ZFYVE1: variants seen among roughly 807,000 people sequenced by gnomAD.
ZFYVE1 encodes zinc finger FYVE-type containing 1.
In ZFYVE1, 30 loss-of-function variants were observed where a neutral mutation model predicts 74.4. The ratio of observed to expected loss-of-function variants is 0.40; its 90% CI spans 0.30 to 0.55. The LOEUF is 0.55. ZFYVE1 is among the 20% of genes least tolerant of loss of function. The pLI is 0.42. For synonymous variants in ZFYVE1, 335 were observed against 385.1 expected (o/e 0.87, Z 1.52); for missense variants, 703 against 1,011.6 (o/e 0.69, Z 4.14).
chr14:72,995,460 T>C (rs7155557), intron 3 of ZFYVE1, among the ~76,000 whole-genome samples: 1,535 of 148,226 alleles, frequency 0.01, 14 homozygotes, highest in Middle Eastern at 0.034. Flanking sequence ...CTCAAACTCC[T>C]GGGCTCTAGT....
chr14:73,015,865 TG>T (rs1250071260), intron 2 of ZFYVE1, among the ~76,000 whole-genome samples: 1 of 151,780 alleles, frequency 6.6e-6, no homozygotes, highest in African/African-American at 2.4e-5. Context: ...AGGTGGAGAT[TG>T]CAGTGAGCTG....
intron 3 of ZFYVE1, among the ~76,000 whole-genome samples, chr14:72,994,419 A>G (rs1441541150): frequency 1.3e-5 from 2 of 150,996 alleles, no homozygotes; most frequent in African/African-American, 2.5e-5. Flanking sequence ...GTGAGAACTC[A>G]GGTTACCCTT....
chr14:72,994,101 T>G (rs1005550649), intron 3 of ZFYVE1, among the ~76,000 whole-genome samples: 6 of 150,180 alleles, frequency 4.0e-5, no homozygotes, highest in African/African-American at 1.5e-4. Flanking sequence ...GGTGGGTGGA[T>G]CACCTGAGGT....
At chr14:73,012,346 G>C (rs1200202971) in intron 2 of ZFYVE1, among the ~76,000 whole-genome samples, 1 of 152,188 alleles carries the variant, frequency 6.6e-6, no homozygotes, top group Non-Finnish European at 1.5e-5. Context: ...AAGGGGCCAG[G>C]TACGGTGCCT....
At chr14:72,994,937 T>C (rs1451855784) in intron 3 of ZFYVE1, among the ~76,000 whole-genome samples, 2 of 152,190 alleles carry the variant, frequency 1.3e-5, no homozygotes, top group Non-Finnish European at 2.9e-5. Context: ...AAACTACCAA[T>C]GTATAAGGGT....
At chr14:72,990,395 A>G (rs1893579149) in intron 4 of ZFYVE1, among the ~76,000 whole-genome samples, 1 of 143,726 alleles carries the variant, frequency 7.0e-6, no homozygotes, top group South Asian at 2.3e-4. Context: ...CCAGCTGAAC[A>G]GGTTCTTTTT....
intron 2 of ZFYVE1, among the ~76,000 whole-genome samples, chr14:73,013,552 T>C (rs567562815): frequency 7.2e-5 from 11 of 151,840 alleles, no homozygotes; most frequent in African/African-American, 2.2e-4. Context: ...TAAGCCGAGA[T>C]TGCGCCACTG....
intron 8 of ZFYVE1, among the ~76,000 whole-genome samples, chr14:72,976,651 C>G (rs1420387022): frequency 2.0e-5 from 3 of 151,898 alleles, no homozygotes; most frequent in Non-Finnish European, 4.4e-5. Flanking sequence ...GGTGTGGTAG[C>G]ACGCGCCTGT....
chr14:72,976,862 A>T (rs1464203255), intron 8 of ZFYVE1, among the ~76,000 whole-genome samples: 1 of 152,028 alleles, frequency 6.6e-6, no homozygotes, highest in Non-Finnish European at 1.5e-5. Context: ...AGCTCAGGAG[A>T]GGACCTGCAG....
At chr14:72,979,598 A>G (rs1025181861) in intron 5 of ZFYVE1, among the ~76,000 whole-genome samples, 45 of 151,830 alleles carry the variant, frequency 3.0e-4, no homozygotes, top group African/African-American at 1.0e-3. Context: ...AGGTTGCAGT[A>G]AGCCAAGATC....
At chr14:72,981,330 T>C (rs1402433518) in intron 5 of ZFYVE1, among the ~76,000 whole-genome samples, 1 of 152,120 alleles carries the variant, frequency 6.6e-6, no homozygotes, top group Non-Finnish European at 1.5e-5. Context: ...TCTAAACATT[T>C]CCCCTAATAG....
At chr14:73,008,920 T>C (rs1169142647) in intron 2 of ZFYVE1, among the ~76,000 whole-genome samples, 2 of 152,116 alleles carry the variant, frequency 1.3e-5, no homozygotes, top group Non-Finnish European at 2.9e-5. Context: ...GACTCAACCC[T>C]TCTCTTGCTC....
In ZFYVE1 at chr14:72,975,887, T is replaced by C; in HGVS notation, c.1636-166A>G. The C allele has an allele frequency of 1.4e-6, 1 of 738,044 alleles. No homozygotes were observed. The highest frequency in any genetic ancestry group is 1.9e-5 in the South Asian group (1 of 52,786). 45.7% of individuals were successfully genotyped at this position (738,044 alleles called of 1,614,324 possible). On this transcript the variant is annotated intron_variant, in intron 8 of 11. Coordinates refer to ENST00000556143, the MANE Select transcript of ZFYVE1 (RefSeq NM_021260.4). This position sits in a 1 kb window ranked among gnomAD's most constrained non-coding sequence, Gnocchi z 4.1. ...CAGGAATCCCTCTGGCTTTATTCTC[T>C]TCAAAGTGACCATAAGACTTGATGT...
intron 11 of ZFYVE1, among the ~76,000 whole-genome samples, chr14:72,973,340 T>C (rs1893083730): frequency 6.6e-6 from 1 of 151,948 alleles, no homozygotes; most frequent in Admixed American, 6.6e-5. Flanking sequence ...AATACAAAAA[T>C]TAGCTGGGCA....
chr14:73,009,926 C>G (rs1894053828), intron 2 of ZFYVE1, among the ~76,000 whole-genome samples: 1 of 151,854 alleles, frequency 6.6e-6, no homozygotes, highest in African/African-American at 2.4e-5. Flanking sequence ...TGGGCAATAT[C>G]ATGAGACCTC....
intron 2 of ZFYVE1, among the ~76,000 whole-genome samples, chr14:73,000,260 T>C (rs1893840348): frequency 6.6e-6 from 1 of 152,028 alleles, no homozygotes; most frequent in African/African-American, 2.4e-5. Context: ...CCTGAGTCAT[T>C]AGAGAAATGC....
rs751055609 is a variant in ZFYVE1 at position 72,974,074 on chromosome 14, G to A, written c.2101+6C>T. ...CTACCCCCAAGAGAAGCACTGCCAG[G>A]CCCACCTAGTGGTATGTCAATGGCT... On this transcript the variant is annotated splice_donor_region_variant and intron_variant, in intron 11 of 11. Transcript: ENST00000556143. 6.2e-7 allele frequency: 1 copy of A among 1,613,594 alleles called. No individual in the cohort carries two copies. Among genetic ancestry groups the A allele is most frequent in the South Asian group, 1.1e-5 (1 of 91,070 alleles).
At chr14:73,010,450 A>C (rs1197357233) in intron 2 of ZFYVE1, among the ~76,000 whole-genome samples, 2 of 152,088 alleles carry the variant, frequency 1.3e-5, no homozygotes, top group Non-Finnish European at 1.5e-5. Context: ...AAAAATACAA[A>C]ATTAGCTGGC....
At chr14:73,007,061 C>T (rs1893996184) in intron 2 of ZFYVE1, among the ~76,000 whole-genome samples, 2 of 152,042 alleles carry the variant, frequency 1.3e-5, no homozygotes, top group Admixed American at 1.3e-4. Flanking sequence ...TGTCCAGCAT[C>T]AACCTGCGAC....
Sources: allele counts gnomAD v4.1 joint callset (sites outside exome capture counted in the v4.1 genomes callset), GRCh38; gene constraint gnomAD v4.1.1; non-coding constraint Gnocchi (gnomAD v3.1); transcripts MANE v1.5; gene names NCBI Gene and HGNC (gene_info 2026-07-23, HGNC 2026-07-21).